BTBD1: variants seen among roughly 807,000 people sequenced by gnomAD.
BTBD1 encodes BTB domain containing 1, also known as BTB/POZ domain-containing protein 1.
A neutral mutation model predicts 48.0 loss-of-function variants in BTBD1; 34 were observed. The observed-to-expected ratio is 0.71, with a 90% CI of 0.54 to 0.94. BTBD1 has a LOEUF of 0.94. Among genes scored for constraint, BTBD1 ranks in the 40% least tolerant of loss-of-function variants. The pLI, the probability that BTBD1 is intolerant of heterozygous loss-of-function variation, is 0.00. For synonymous variants in BTBD1, 261 were observed against 242.1 expected (o/e 1.08, Z -0.72); for missense variants, 543 against 625.6 (o/e 0.87, Z 1.41).
chr15:83,047,771 T>C (rs1198473703), intron 3 of BTBD1, among the ~76,000 whole-genome samples: 1 of 152,208 alleles, frequency 6.6e-6, no homozygotes, highest in Non-Finnish European at 1.5e-5. Flanking sequence ...AATAAACTTC[T>C]GTGTTTGAGC....
chr15:83,047,390 A>G (rs1308212618), intron 3 of BTBD1, among the ~76,000 whole-genome samples: 5 of 152,126 alleles, frequency 3.3e-5, no homozygotes, highest in Non-Finnish European at 4.4e-5. Context: ...AATATAAATA[A>G]TCCTGGCCAG....
At chr15:83,059,609 G>C (rs920263586) in intron 1 of BTBD1, among the ~76,000 whole-genome samples, 1 of 152,226 alleles carries the variant, frequency 6.6e-6, no homozygotes, top group Admixed American at 6.5e-5. Flanking sequence ...TTTTGAGACA[G>C]GGTCTCATTG....
intron 7 of BTBD1, 145 bp downstream of exon 7, chr15:83,018,562 C>T (rs907107266): frequency 6.1e-5 from 53 of 867,988 alleles, no homozygotes; most frequent in Non-Finnish European, 8.0e-5. Context: ...TACTTCTTTT[C>T]GGAAGGCAGT....
chr15:83,020,763 C>A lies in BTBD1; in HGVS notation c.1056-1G>T. 1.3e-6 allele frequency: 2 copies of A among 1,583,838 alleles called. No homozygotes were observed. Among genetic ancestry groups the A allele is most frequent in the South Asian group, 1.1e-5 (1 of 89,596 alleles). On this transcript the variant is annotated splice_acceptor_variant, in intron 5 of 7. Transcript: ENST00000261721. LOFTEE classifies it high-confidence loss of function. Reference sequence around the variant, plus strand: ...AGAGATCCTTCTATTAACTGTGAATCTGAGAGAAAGAAGCCAAAAATAAAA... The same window carrying A: ...AGAGATCCTTCTATTAACTGTGAATATGAGAGAAAGAAGCCAAAAATAAAA...
At position 83,056,557 on chromosome 15, in the gene BTBD1, T is replaced by G; in HGVS notation, c.402-12A>C. On this transcript the variant is annotated splice_polypyrimidine_tract_variant and intron_variant, in intron 1 of 7. Coordinates refer to ENST00000261721, the MANE Select transcript of BTBD1 (RefSeq NM_025238.4). ...CTGAATATAGAAATCTGGAAAACAA[T>G]TGGCATATTTGCAGAGATGGTCAGT... is the stretch of plus-strand genomic sequence containing the variant. 1.9e-6 allele frequency: 3 copies of G among 1,611,300 alleles called. No homozygotes were observed. The highest frequency in any genetic ancestry group is 2.5e-6 in the Non-Finnish European group (3 of 1,177,874).
At chr15:83,025,283 A>G (rs2032380952) in intron 5 of BTBD1, among the ~76,000 whole-genome samples, 1 of 144,710 alleles carries the variant, frequency 6.9e-6, no homozygotes, top group Non-Finnish European at 1.5e-5. Context: ...ACTTGAACTC[A>G]GGAGGCGGAG....
Position 83,018,070 on chromosome 15 carries a change from T to G in BTBD1, c.1446A>C (p.Thr482=). 1 of 1,597,660 alleles carries G rather than the reference T, an allele frequency of 6.3e-7. No individual in the cohort carries two copies. The highest frequency in any genetic ancestry group is 8.6e-7 in the Non-Finnish European group (1 of 1,169,150). The change falls in exon 8 of 8, where the codon ACA becomes ACC. Residue 482 remains threonine (T), a synonymous_variant. Transcript: ENST00000261721. ...CAAGATGTATTATAATGCTAAATTATGTATAAAATATGATTTCTGGAATTT... is the reference window on the plus strand; with the variant it reads ...CAAGATGTATTATAATGCTAAATTAGGTATAAAATATGATTTCTGGAATTT... The part of the protein sequence containing the change: ...DGQIPEIIFY[T]
intron 1 of BTBD1, among the ~76,000 whole-genome samples, chr15:83,064,631 T>C (rs2033230319): frequency 6.6e-6 from 1 of 152,144 alleles, no homozygotes; most frequent in African/African-American, 2.4e-5. Context: ...TTTGTATAAG[T>C]ATCACTTAGG....
At chr15:83,059,112 T>C (rs1307713273) in intron 1 of BTBD1, among the ~76,000 whole-genome samples, 1 of 152,254 alleles carries the variant, frequency 6.6e-6, no homozygotes, top group African/African-American at 2.4e-5. Context: ...GTCTTCTGTA[T>C]GAGGGGATCT....
intron 1 of BTBD1, among the ~76,000 whole-genome samples, chr15:83,058,753 A>G (rs1214465145): frequency 1.3e-5 from 2 of 152,198 alleles, no homozygotes; most frequent in Non-Finnish European, 2.9e-5. Context: ...TGAGGCCTTT[A>G]TCACCATTTG....
At chr15:83,065,596 TAAC>T (rs981872696) in intron 1 of BTBD1, among the ~76,000 whole-genome samples, 3 of 152,226 alleles carry the variant, frequency 2.0e-5, no homozygotes, top group African/African-American at 7.2e-5. Context: ...GCCATTTTAA[TAAC>T]AACACGTTCT....
rs2032196692 is a variant in BTBD1 at position 83,017,695 on chromosome 15, A to C, written c.*372T>G. 6.5e-6 allele frequency: 1 copy of C among 153,952 alleles called. No individual in the cohort carries two copies. Among genetic ancestry groups the C allele is most frequent in the African/African-American group, 2.4e-5 (1 of 41,470 alleles). 9.5% of individuals were successfully genotyped at this position (153,952 alleles called of 1,614,324 possible). ...TTAAGCCTATTTGCCCATCTCACCT[A>C]ACCTTCAAAATAGTTAAAACAAAAA... On this transcript the variant is annotated 3_prime_UTR_variant, in exon 8 of 8. Coordinates refer to ENST00000261721, the MANE Select transcript of BTBD1 (RefSeq NM_025238.4).
At chr15:83,047,862 G>C (rs1345497800) in intron 3 of BTBD1, among the ~76,000 whole-genome samples, 1 of 152,204 alleles carries the variant, frequency 6.6e-6, no homozygotes, top group Non-Finnish European at 1.5e-5. Context: ...ATTACTGTGA[G>C]CTTTTATAAG....
chr15:83,029,999 A>G (rs959284424), intron 5 of BTBD1, 137 bp downstream of exon 5: 2 of 841,702 alleles, frequency 2.4e-6, no homozygotes. Context: ...CTTGACTCCT[A>G]TATTAACTTA....
chr15:83,021,033 G>A (rs2032284058), intron 5 of BTBD1, among the ~76,000 whole-genome samples: 1 of 152,132 alleles, frequency 6.6e-6, no homozygotes, highest in Non-Finnish European at 1.5e-5. Flanking sequence ...TGCTATACGA[G>A]TCCAAATATT....
chr15:83,064,999 C>T (rs988014068), intron 1 of BTBD1, among the ~76,000 whole-genome samples: 5 of 152,128 alleles, frequency 3.3e-5, no homozygotes, highest in African/African-American at 1.2e-4. Context: ...TTATCCCGGT[C>T]TCTAGGTATA....
intron 7 of BTBD1, 91 bp from the exon 8 acceptor site, chr15:83,018,316 T>C (rs2032212609): frequency 9.3e-7 from 1 of 1,077,732 alleles, no homozygotes; most frequent in East Asian, 2.6e-5. Flanking sequence ...TTCCATTATA[T>C]TTCACTATCA....
intron 3 of BTBD1, chr15:83,044,566 C>G (rs1469320062): frequency 2.5e-5 from 40 of 1,597,520 alleles, no homozygotes; most frequent in Non-Finnish European, 3.1e-5. Context: ...TTTTCTTGTA[C>G]CCTGGGAGAG....
Position 83,057,555 on chromosome 15 carries a change from C to T in BTBD1, c.402-1010G>A, listed in dbSNP as rs559001344. 7.0e-4 allele frequency among the ~76,000 whole-genome samples: 106 copies of T among 152,314 alleles called. 1 individual carries two copies. The highest frequency in any genetic ancestry group is 2.4e-3 in the African/African-American group (99 of 41,576). On this transcript the variant is annotated intron_variant, in intron 1 of 7. Coordinates refer to ENST00000261721, the MANE Select transcript of BTBD1 (RefSeq NM_025238.4). ...CTTGCCATTATCTTCTGGTGCCTTC[C>T]TATTTTTCTCTACAGCAATCACATT... is the stretch of plus-strand genomic sequence containing the variant.
Sources: gnomAD v4.1 joint callset for allele counts (sites outside exome capture counted in the v4.1 genomes callset) on GRCh38, gnomAD v4.1.1 for gene constraint, MANE v1.5 for transcripts, NCBI Gene and HGNC (gene_info 2026-07-23, HGNC 2026-07-21) for gene names.